LRP1B: variants seen among roughly 807,000 people sequenced by gnomAD.
LRP1B encodes low-density lipoprotein receptor-related protein 1B.
Under a neutral mutation model 556.6 loss-of-function variants are expected in LRP1B, and 217 were observed. The ratio of observed to expected loss-of-function variants is 0.39; its 90% CI spans 0.35 to 0.44. The LOEUF is 0.44. Among genes scored for constraint, LRP1B ranks in the 20% least tolerant of loss-of-function variants. The probability of loss-of-function intolerance (pLI) is 1.00; values close to 1 mark genes in which losing one functional copy is unlikely to be tolerated. For synonymous variants in LRP1B, 2,047 were observed against 1,865.8 expected (o/e 1.10, Z -2.50); for missense variants, 5,053 against 5,620.8 (o/e 0.90, Z 3.23).
chr2:141,359,765 GCCC>G (rs1559028304), intron 3 of LRP1B, among the ~76,000 whole-genome samples: 1 of 87,142 alleles, frequency 1.1e-5, no homozygotes, highest in Non-Finnish European at 2.3e-5. Context: ...CCCGCGCCCC[GCCC>G]CGCCCCGCCC....
intron 21 of LRP1B, among the ~76,000 whole-genome samples, chr2:140,920,580 T>A (rs1694709679): frequency 6.6e-6 from 1 of 152,052 alleles, no homozygotes; most frequent in Non-Finnish European, 1.5e-5. Flanking sequence ...GATGAATACA[T>A]ATTTTAAATC....
At chr2:140,583,794 G>A (rs563334347) in intron 43 of LRP1B, among the ~76,000 whole-genome samples, 1 of 151,746 alleles carries the variant, frequency 6.6e-6, no homozygotes, top group African/African-American at 2.4e-5. Context: ...CAAAATTCCT[G>A]TGTAAATAAA....
intron 3 of LRP1B, among the ~76,000 whole-genome samples, chr2:141,419,272 C>A (rs1680054744): frequency 6.6e-6 from 1 of 151,942 alleles, no homozygotes; most frequent in South Asian, 2.1e-4. Context: ...GATGCCTTTT[C>A]CTGTCTTCAG....
chr2:140,526,054 A>G (rs1690418299), intron 48 of LRP1B, 61 bp from the exon 49 acceptor site: 1 of 1,551,006 alleles, frequency 6.4e-7, no homozygotes, highest in Non-Finnish European at 8.8e-7. Flanking sequence ...TGAGCCTTCT[A>G]TGTAGGTCAT....
intron 5 of LRP1B, among the ~76,000 whole-genome samples, chr2:141,231,653 A>T (rs1298089638): frequency 5.7e-5 from 7 of 123,622 alleles, no homozygotes. Flanking sequence ...TCCACGTGGC[A>T]ACCTTCCTTT....
At chr2:140,445,978 T>C (rs1686642199) in intron 63 of LRP1B, among the ~76,000 whole-genome samples, 1 of 152,162 alleles carries the variant, frequency 6.6e-6, no homozygotes, top group African/African-American at 2.4e-5. Flanking sequence ...AATTATGCTT[T>C]TATAATTACA....
intron 2 of LRP1B, among the ~76,000 whole-genome samples, chr2:141,505,983 C>T (rs1354623462): frequency 6.6e-6 from 1 of 152,036 alleles, no homozygotes; most frequent in Non-Finnish European, 1.5e-5. Flanking sequence ...GAACATTTCC[C>T]TGTCCGGGAA....
intron 2 of LRP1B, among the ~76,000 whole-genome samples, chr2:141,699,764 A>G (rs12373690): frequency 0.34 from 51,205 of 149,982 alleles, 9,290 homozygotes; most frequent in East Asian, 0.58. Context: ...GTAGTATTGT[A>G]CAAGCATGTG....
intron 41 of LRP1B, among the ~76,000 whole-genome samples, chr2:140,686,508 A>T (rs1017426448): frequency 4.6e-5 from 7 of 152,018 alleles, no homozygotes; most frequent in African/African-American, 1.7e-4. Context: ...AATAATAATC[A>T]TTATTATAAA....
rs1682858338 is a variant in LRP1B at position 141,479,996 on chromosome 2, T to C, written c.343+400A>G. Among the ~76,000 whole-genome samples the C allele has an allele frequency of 5.9e-5, 9 of 152,316 alleles. No homozygotes were observed. In the South Asian group the frequency reaches 1.9e-3, roughly 32 times the overall value. ...ACTGAAATACTTGTTTGACGAAGCA[T>C]TCCTTCAAATTCTTTGTTTAAGCAG... is the stretch of plus-strand genomic sequence containing the variant. On this transcript the variant is annotated intron_variant, in intron 3 of 90. Transcript: ENST00000389484.
chr2:140,250,708 A>G (rs1269231055), intron 86 of LRP1B, among the ~76,000 whole-genome samples: 1 of 151,760 alleles, frequency 6.6e-6, no homozygotes, highest in Non-Finnish European at 1.5e-5. Context: ...CTGGGGCCCC[A>G]TATATCAGAG....
chr2:141,120,317 T>G lies in LRP1B; in HGVS notation c.1014-58044A>C, dbSNP rs1350719244. Among the ~76,000 whole-genome samples the G allele has an allele frequency of 3.9e-5, 6 of 152,088 alleles. No homozygotes were observed. In the East Asian group the frequency reaches 1.2e-3, roughly 29 times the overall value. ...TAGAAAAGGCTTTGATGATGTGACT[T>G]TTGTCTATTAATTTTGCAAATGAAT... On this transcript the variant is annotated intron_variant, in intron 7 of 90. Coordinates refer to ENST00000389484, the MANE Select transcript of LRP1B (RefSeq NM_018557.3).
At chr2:140,355,539 G>A (rs1290849159) in intron 75 of LRP1B, among the ~76,000 whole-genome samples, 2 of 151,950 alleles carry the variant, frequency 1.3e-5, no homozygotes, top group South Asian at 4.1e-4. Flanking sequence ...TGATTAACAC[G>A]AAGTAGAATC....
chr2:141,311,405 G>T (rs1208561891), intron 3 of LRP1B, among the ~76,000 whole-genome samples: 1 of 152,036 alleles, frequency 6.6e-6, no homozygotes, highest in East Asian at 1.9e-4. Context: ...TGGGGAAACT[G>T]GGTTCTTTGG....
chr2:140,650,415 C>T (rs1231795008), intron 41 of LRP1B, among the ~76,000 whole-genome samples: 1 of 151,528 alleles, frequency 6.6e-6, no homozygotes, highest in East Asian at 1.9e-4. Flanking sequence ...GTGGCACAAT[C>T]TCGGCTCACT....
At chr2:141,978,263 A>C (rs1000235546) in intron 1 of LRP1B, among the ~76,000 whole-genome samples, 5 of 152,100 alleles carry the variant, frequency 3.3e-5, no homozygotes, top group African/African-American at 4.8e-5. Context: ...CCAATTACTA[A>C]AAAACCTAAT....
At chr2:140,810,537 C>G (rs1218039683) in intron 32 of LRP1B, among the ~76,000 whole-genome samples, 1 of 149,988 alleles carries the variant, frequency 6.7e-6, no homozygotes, top group Non-Finnish European at 1.5e-5. Flanking sequence ...TTTTTTTTCT[C>G]TTCTCAAATA....
chr2:141,451,915 T>C (rs1056758551), intron 3 of LRP1B, among the ~76,000 whole-genome samples: 2 of 152,130 alleles, frequency 1.3e-5, no homozygotes, highest in Non-Finnish European at 1.5e-5. Flanking sequence ...ATACATTCAG[T>C]TTTCCTTAGT....
At chr2:140,667,846 C>A (rs1337459956) in intron 41 of LRP1B, among the ~76,000 whole-genome samples, 2 of 152,130 alleles carry the variant, frequency 1.3e-5, no homozygotes, top group Non-Finnish European at 2.9e-5. Flanking sequence ...TAATTCTCTT[C>A]TACTTTATAA....
Sources: gnomAD v4.1 joint callset for allele counts (sites outside exome capture counted in the v4.1 genomes callset) on GRCh38, gnomAD v4.1.1 for gene constraint, MANE v1.5 for transcripts, NCBI Gene and HGNC (gene_info 2026-07-23, HGNC 2026-07-21) for gene names.